Variants in USP8 observed in about 807,000 individuals in gnomAD.
USP8 encodes ubiquitin carboxyl-terminal hydrolase 8.
In USP8, 27 loss-of-function variants were observed where a neutral mutation model predicts 130.0. The observed-to-expected ratio is 0.21, with a 90% CI of 0.15 to 0.29. The LOEUF (loss-of-function observed/expected upper bound fraction) is 0.29. Ranked by LOEUF, USP8 falls within the 10% of genes least tolerant of loss-of-function variation. The pLI, the probability that USP8 is intolerant of heterozygous loss-of-function variation, is 1.00. For missense variants in USP8, 1,029 were observed against 1,312.2 expected, an observed-to-expected ratio of 0.78 and a Z score of 3.33; for synonymous variants, 392 against 444.1, an observed-to-expected ratio of 0.88 and a Z score of 1.48.
rs1423166796 is a variant in USP8 at position 50,509,231 on chromosome 15, G to A, written c.*10143G>A. Reference sequence around the variant, plus strand: ...ACTTGGGAGGCTGAGGTGGGAGGATGGCTCGAGCCTGGGAGGCAGAGGTTG... The same window carrying A: ...ACTTGGGAGGCTGAGGTGGGAGGATAGCTCGAGCCTGGGAGGCAGAGGTTG... On this transcript the variant is annotated 3_prime_UTR_variant, in exon 20 of 20. Transcript: ENST00000307179. 6.6e-6 allele frequency: 1 copy of A among 151,990 alleles called. No homozygotes were observed. The highest frequency in any genetic ancestry group is 1.9e-4 in the East Asian group (1 of 5,188). The allele number at this position is 151,990 out of a possible 1,614,324, so 9.4% of individuals were successfully genotyped here.
rs1252414013 is a variant in USP8, at chr15:50,507,773, TAA to T, written c.*8688_*8689del. Reference sequence around the variant, plus strand: ...TAGAAGTGCACTGTCTCAACAAATGTAAAAGAGTTAGTTTAGGCCAGGCACGG... The same window carrying T: ...TAGAAGTGCACTGTCTCAACAAATGTAAGAGTTAGTTTAGGCCAGGCACGG... On this transcript the variant is annotated 3_prime_UTR_variant, in exon 20 of 20. Coordinates refer to ENST00000307179, the MANE Select transcript of USP8 (RefSeq NM_005154.5). 1 of 152,036 alleles carries T rather than the reference TAA, an allele frequency of 6.6e-6. No individual in the cohort carries two copies. Among genetic ancestry groups the T allele is most frequent in the African/African-American group, 2.4e-5 (1 of 41,394 alleles). 9.4% of individuals were successfully genotyped at this position (152,036 alleles called of 1,614,324 possible). A position where few individuals can be genotyped will look rare whatever the true frequency, so the allele number is the denominator to read the frequency against.
At chr15:50,460,301 C>CTTTTT (rs1168064692) in intron 5 of USP8, among the ~76,000 whole-genome samples, 79 of 77,328 alleles carry the variant, frequency 1.0e-3, no homozygotes, top group Non-Finnish European at 1.2e-3. Flanking sequence ...CCTGGCTCTT[C>CTTTTT]TTTTTTTTTT....
At chr15:50,460,064 C>T (rs185143445) in intron 5 of USP8, among the ~76,000 whole-genome samples, 508 of 125,812 alleles carry the variant, frequency 4.0e-3, no homozygotes, top group Middle Eastern at 0.012. Context: ...ATGGCGTGAT[C>T]TCGGCTCACT....
chr15:50,434,254 C>G (rs1240248574), intron 1 of USP8, among the ~76,000 whole-genome samples: 1 of 151,922 alleles, frequency 6.6e-6, no homozygotes, highest in African/African-American at 2.4e-5. Context: ...AGGTGTGCGC[C>G]ACCACGTCCG....
chr15:50,483,144 C>A (rs570922710), intron 11 of USP8, among the ~76,000 whole-genome samples: 5 of 152,288 alleles, frequency 3.3e-5, no homozygotes, highest in Admixed American at 3.3e-4. Context: ...GTCTTATTTA[C>A]CCCTAATGAT....
intron 5 of USP8, among the ~76,000 whole-genome samples, chr15:50,459,995 C>CCG (rs1203357442): frequency 3.6e-4 from 27 of 75,848 alleles, no homozygotes; most frequent in African/African-American, 1.1e-3. Context: ...CCACCCCCCC[C>CCG]CTTTTTTTTT....
intron 3 of USP8, among the ~76,000 whole-genome samples, chr15:50,446,676 G>A (rs11070777): frequency 0.14 from 20,813 of 152,184 alleles, 1,919 homozygotes; most frequent in Middle Eastern, 0.28. Context: ...ATTACATAGT[G>A]AAGGGTCCTT....
chr15:50,442,384 G>GA (rs1365165846), intron 3 of USP8, among the ~76,000 whole-genome samples: 2 of 152,106 alleles, frequency 1.3e-5, no homozygotes, highest in African/African-American at 2.4e-5. Context: ...TAAATGAATA[G>GA]AAAAAATTGA....
chr15:50,492,302 T>C (rs1387233419), intron 14 of USP8, among the ~76,000 whole-genome samples: 1 of 152,220 alleles, frequency 6.6e-6, no homozygotes, highest in African/African-American at 2.4e-5. Flanking sequence ...GTTTTTATTT[T>C]TTTATTATTC....
chr15:50,511,416 A>G lies in USP8; in HGVS notation c.*12328A>G, dbSNP rs979945622. The G allele has an allele frequency of 6.6e-6, 1 of 152,208 alleles. No homozygotes were observed. The highest frequency in any genetic ancestry group is 1.5e-5 in the Non-Finnish European group (1 of 68,040). 9.4% of individuals were successfully genotyped at this position (152,208 alleles called of 1,614,324 possible). ...TTACCATATGACCCAGAAATTTCAC[A>G]CTTAGGTATATACCCAACAGAAATG... On this transcript the variant is annotated 3_prime_UTR_variant, in exon 20 of 20. Coordinates refer to ENST00000307179, the MANE Select transcript of USP8 (RefSeq NM_005154.5).
At chr15:50,477,838 CAAA>C (rs34193682) in intron 10 of USP8, among the ~76,000 whole-genome samples, 4 of 129,188 alleles carry the variant, frequency 3.1e-5, no homozygotes, top group Admixed American at 8.1e-5. Context: ...GACTCTGTCT[CAAA>C]AAAAAAAAAA....
intron 4 of USP8, among the ~76,000 whole-genome samples, chr15:50,456,185 TAG>T (rs2141274427): frequency 6.6e-6 from 1 of 152,314 alleles, no homozygotes; most frequent in East Asian, 1.9e-4. Context: ...ATTTTTAAAG[TAG>T]AGTGTCGTGA....
chr15:50,479,659 C>T (rs2051693423), intron 10 of USP8, among the ~76,000 whole-genome samples: 1 of 151,404 alleles, frequency 6.6e-6, no homozygotes, highest in Admixed American at 6.6e-5. Flanking sequence ...ACTTTATTCT[C>T]AAATACATGC....
chr15:50,481,476 T>G lies in USP8; in HGVS notation c.1219-5T>G. 1.9e-6 allele frequency: 3 copies of G among 1,567,956 alleles called. No individual in the cohort carries two copies. The highest frequency in any genetic ancestry group is 2.6e-6 in the Non-Finnish European group (3 of 1,162,456). On this transcript the variant is annotated splice_polypyrimidine_tract_variant and splice_region_variant and intron_variant, in intron 10 of 19. Coordinates refer to ENST00000307179, the MANE Select transcript of USP8 (RefSeq NM_005154.5). ...AAATGTTTTGCTCTGGTTTTGTTGC[T>G]CTAGATTGATCGTACTAAAAAACCA...
intron 16 of USP8, 70 bp downstream of exon 16, chr15:50,494,350 C>A: frequency 7.3e-7 from 1 of 1,363,318 alleles, no homozygotes; most frequent in Non-Finnish European, 1.0e-6. Context: ...ATTTTTATAG[C>A]AGTTTAAAAT....
At chr15:50,430,543 G>A (rs1345051019) in intron 1 of USP8, among the ~76,000 whole-genome samples, 1 of 151,952 alleles carries the variant, frequency 6.6e-6, no homozygotes, top group Non-Finnish European at 1.5e-5. Context: ...GACCACAGGC[G>A]CATGCCACCA....
At chr15:50,460,288 A>G (rs1262307393) in intron 5 of USP8, among the ~76,000 whole-genome samples, 2 of 137,654 alleles carry the variant, frequency 1.5e-5, no homozygotes, top group Non-Finnish European at 3.1e-5. Context: ...ATGAGCCACC[A>G]CACCTGGCTC....
intron 12 of USP8, 110 bp downstream of exon 12, chr15:50,484,471 G>A: frequency 1.2e-6 from 1 of 836,890 alleles, no homozygotes; most frequent in Non-Finnish European, 1.8e-6. Flanking sequence ...TACAGTGTAA[G>A]GGGATCGTTG....
At chr15:50,463,744 G>A (rs1424453104) in intron 6 of USP8, among the ~76,000 whole-genome samples, 1 of 152,110 alleles carries the variant, frequency 6.6e-6, no homozygotes, top group Non-Finnish European at 1.5e-5. Context: ...GCAGCTATAG[G>A]TCTTTTAGCA....
Sources: gnomAD v4.1 joint callset for allele counts (sites outside exome capture counted in the v4.1 genomes callset) on GRCh38, gnomAD v4.1.1 for gene constraint, MANE v1.5 for transcripts, NCBI Gene and HGNC (gene_info 2026-07-23, HGNC 2026-07-21) for gene names.